The following ATF7 variants were observed in gnomAD, a reference collection of about 807,000 sequenced individuals.
ATF7 encodes the protein activating transcription factor 7, also known as cyclic AMP-dependent transcription factor ATF-7.
A neutral mutation model predicts 50.4 loss-of-function variants in ATF7; 10 were observed. The observed-to-expected ratio is 0.20, with a 90% CI of 0.12 to 0.34. The LOEUF is 0.34. ATF7 is among the 10% of genes least tolerant of loss of function. The pLI is 1.00. For missense variants in ATF7, 465 were observed against 613.9 expected (o/e 0.76, Z 2.56); for synonymous variants, 201 against 226.4 (o/e 0.89, Z 1.01).
chr12:53,579,993 C>T (rs1942323081), intron 2 of ATF7, among the ~76,000 whole-genome samples: 2 of 151,922 alleles, frequency 1.3e-5, no homozygotes, highest in Admixed American at 6.6e-5. Context: ...TGGAGTGGCA[C>T]GATCTCAGTT....
At position 53,537,619 on chromosome 12, in the gene ATF7, C is replaced by A. The variant is rs1939300311; in HGVS notation, c.265-67G>T. On this transcript the variant is annotated intron_variant, in intron 4 of 11. Transcript: ENST00000420353. ...CCTTTCAGGTTGAATCTATATTTTC[C>A]CATTTCCAAGATAAGGGAATATGCT... 9 of 1,559,054 alleles carry A rather than the reference C, an allele frequency of 5.8e-6. No individual in the cohort carries two copies. In the East Asian group the frequency reaches 2.1e-4, roughly 36 times the overall value.
At chr12:53,602,271 C>T (rs1592968157) in intron 1 of ATF7, among the ~76,000 whole-genome samples, 2 of 152,152 alleles carry the variant, frequency 1.3e-5, no homozygotes, top group Admixed American at 1.3e-4. Flanking sequence ...AGAACTGTAA[C>T]CAAATTTCAA....
In ATF7 at chr12:53,601,032, G is replaced by A; in HGVS notation, c.-21-11C>T. On this transcript the variant is annotated splice_polypyrimidine_tract_variant and intron_variant, in intron 1 of 11. Transcript: ENST00000420353. ...TATAGCAGAGAGGAGCTGAGGAGGG[G>A]GAGGTGAGGGAAAAAGTTATGTTAA... 6.3e-7 allele frequency: 1 copy of A among 1,597,420 alleles called. No individual in the cohort carries two copies. Among genetic ancestry groups the A allele is most frequent in the Non-Finnish European group, 8.5e-7 (1 of 1,171,360 alleles).
At chr12:53,589,279 C>G (rs909281660) in intron 2 of ATF7, among the ~76,000 whole-genome samples, 2 of 152,140 alleles carry the variant, frequency 1.3e-5, no homozygotes, top group African/African-American at 4.8e-5. Context: ...TGGTAATTCT[C>G]CCTCAGAGGT....
chr12:53,528,353 T>A (rs942792098), intron 9 of ATF7, among the ~76,000 whole-genome samples: 2 of 152,188 alleles, frequency 1.3e-5, no homozygotes, highest in Non-Finnish European at 2.9e-5. Context: ...TATGGCCAGG[T>A]GCAGTAGTTC....
intron 4 of ATF7, among the ~76,000 whole-genome samples, chr12:53,542,126 T>TTTTTTTTTTTTTTG (rs1453674892): frequency 6.8e-6 from 1 of 147,832 alleles, no homozygotes; most frequent in African/African-American, 2.5e-5. Context: ...TTTTTTTTTT[T>TTTTTTTTTTTTTTG]AAGAGATAGG....
intron 2 of ATF7, among the ~76,000 whole-genome samples, chr12:53,585,027 C>A (rs553452897): frequency 6.6e-6 from 1 of 152,322 alleles, no homozygotes; most frequent in African/African-American, 2.4e-5. Flanking sequence ...GGCTGGTGTG[C>A]AGTGGCACAA....
In ATF7 at chr12:53,616,763, T is replaced by C. The variant is rs143304452; in HGVS notation, c.-22+9516A>G. Among the ~76,000 whole-genome samples the C allele has an allele frequency of 4.1e-3, 620 of 150,982 alleles. 5 individuals carry two copies. Among genetic ancestry groups the C allele is most frequent in the South Asian group, 0.017 (82 of 4,738 alleles). ...TTCGAGACCAGCCTGGGCAACACAG[T>C]GAAACCCCATCTCTACTAAGATACC... is the stretch of plus-strand genomic sequence containing the variant. On this transcript the variant is annotated intron_variant, in intron 1 of 11. Coordinates refer to ENST00000420353, the MANE Select transcript of ATF7 (RefSeq NM_006856.3).
chr12:53,524,488 T>C lies in ATF7; in HGVS notation c.1125+76A>G, dbSNP rs1288720869. On this transcript the variant is annotated intron_variant, in intron 10 of 11. Coordinates refer to ENST00000420353, the MANE Select transcript of ATF7 (RefSeq NM_006856.3). The surrounding 1 kb of genome is among the most constrained non-coding windows in gnomAD (Gnocchi z 4.6). ...TAGAGAATTACCATCTTCTATCAAA[T>C]TGTACCACTTTTTTCTGATTCCATC... 2 of 1,514,396 alleles carry C rather than the reference T, an allele frequency of 1.3e-6. No homozygotes were observed. Among genetic ancestry groups the C allele is most frequent in the Non-Finnish European group, 1.8e-6 (2 of 1,102,750 alleles). 93.8% of individuals were successfully genotyped at this position (1,514,396 alleles called of 1,614,324 possible). A position where few individuals can be genotyped will look rare whatever the true frequency, so the allele number is the denominator to read the frequency against.
chr12:53,612,900 A>C (rs1943958044), intron 1 of ATF7, among the ~76,000 whole-genome samples: 1 of 152,118 alleles, frequency 6.6e-6, no homozygotes. Context: ...GCTACTCGGG[A>C]GGCTGAGGCA....
At chr12:53,559,746 C>T (rs1940988400) in intron 2 of ATF7, among the ~76,000 whole-genome samples, 1 of 150,616 alleles carries the variant, frequency 6.6e-6, no homozygotes, top group Non-Finnish European at 1.5e-5. Context: ...TTTAAATTTG[C>T]ATAAACCTGT....
chr12:53,531,986 T>C (rs1938928919), intron 8 of ATF7, 90 bp from the exon 9 acceptor site: 3 of 1,436,528 alleles, frequency 2.1e-6, no homozygotes, highest in Middle Eastern at 2.5e-4. Flanking sequence ...ATTGACCTTA[T>C]AGATAGCTAA....
At chr12:53,563,279 T>C (rs1274354343) in intron 2 of ATF7, among the ~76,000 whole-genome samples, 2 of 152,280 alleles carry the variant, frequency 1.3e-5, no homozygotes, top group South Asian at 4.1e-4. Context: ...ATTATACATA[T>C]AGAATTTTAG....
intron 4 of ATF7, 54 bp downstream of exon 4, chr12:53,543,276 A>G: frequency 6.4e-7 from 1 of 1,552,668 alleles, no homozygotes; most frequent in Non-Finnish European, 8.7e-7. Context: ...AGCACAATAA[A>G]AATAGCCTAG....
At position 53,552,785 on chromosome 12, in the gene ATF7, G is replaced by A. The variant is rs1592853074; in HGVS notation, c.49-148C>T. 16 of 654,120 alleles carry A rather than the reference G, an allele frequency of 2.4e-5. No homozygotes were observed. The East Asian group carries it at 4.4e-4, about 18-fold the overall frequency. 40.5% of individuals were successfully genotyped at this position (654,120 alleles called of 1,614,324 possible). On this transcript the variant is annotated intron_variant, in intron 2 of 11. Transcript: ENST00000420353. ...GGGAGAAAAAACTGGAAGAGGAGAAGAGATGGAGAAAAAAGGGTGCTAGAA... is the reference window on the plus strand; with the variant it reads ...GGGAGAAAAAACTGGAAGAGGAGAAAAGATGGAGAAAAAAGGGTGCTAGAA...
In ATF7 at chr12:53,517,036, A is replaced by G. The variant is rs1415836360; in HGVS notation, c.*101T>C. On this transcript the variant is annotated 3_prime_UTR_variant, in exon 12 of 12. Coordinates refer to ENST00000420353, the MANE Select transcript of ATF7 (RefSeq NM_006856.3). ...TCACAACACACAATTCCCCCCACCCATATTGCCATGTCCAAGGCAGATGGG... is the reference window on the plus strand; with the variant it reads ...TCACAACACACAATTCCCCCCACCCGTATTGCCATGTCCAAGGCAGATGGG... 2 of 1,287,304 alleles carry G rather than the reference A, an allele frequency of 1.6e-6. No homozygotes were observed. Among genetic ancestry groups the G allele is most frequent in the Non-Finnish European group, 2.2e-6 (2 of 909,594 alleles). The allele number at this position is 1,287,304 out of a possible 1,614,324, so 79.7% of individuals were successfully genotyped here.
At chr12:53,565,393 C>T (rs1329180549) in intron 2 of ATF7, among the ~76,000 whole-genome samples, 2 of 148,318 alleles carry the variant, frequency 1.3e-5, no homozygotes, top group Non-Finnish European at 3.0e-5. Flanking sequence ...AAGTCCTGGT[C>T]ATCTCAGTTT....
chr12:53,523,080 A>T, intron 11 of ATF7, 196 bp downstream of exon 11: 1 of 521,924 alleles, frequency 1.9e-6, no homozygotes, highest in South Asian at 2.5e-5. Context: ...ACCCCCAACT[A>T]TAACAGATAA....
At chr12:53,596,223 C>A (rs1334384189) in intron 2 of ATF7, among the ~76,000 whole-genome samples, 1 of 152,084 alleles carries the variant, frequency 6.6e-6, no homozygotes, top group Non-Finnish European at 1.5e-5. Flanking sequence ...TCACTTGAAC[C>A]CAGGAGGTAG....
Sources: allele counts gnomAD v4.1 joint callset (sites outside exome capture counted in the v4.1 genomes callset), GRCh38; gene constraint gnomAD v4.1.1; non-coding constraint Gnocchi (gnomAD v3.1); transcripts MANE v1.5; gene names NCBI Gene and HGNC (gene_info 2026-07-23, HGNC 2026-07-21).